Variants in NEDD9 observed in about 807,000 individuals in gnomAD.
NEDD9 encodes neural precursor cell expressed, developmentally down-regulated 9, also known as enhancer of filamentation 1.
Under a neutral mutation model 76.6 loss-of-function variants are expected in NEDD9, and 26 were observed. That is an observed-to-expected ratio of 0.34 (90% confidence interval 0.25 to 0.47). The LOEUF is 0.47. Among genes scored for constraint, NEDD9 ranks in the 20% least tolerant of loss-of-function variants. NEDD9 has a pLI of 1.00. For synonymous variants in NEDD9, 392 were observed against 414.2 expected (o/e 0.95, Z 0.65); for missense variants, 937 against 1,058.5 (o/e 0.89, Z 1.59).
intron 3 of NEDD9, among the ~76,000 whole-genome samples, chr6:11,296,358 G>C (rs543053491): frequency 7.2e-5 from 11 of 152,272 alleles, no homozygotes; most frequent in African/African-American, 2.6e-4. Flanking sequence ...ATCTGAACAG[G>C]TTAAATTCTC....
chr6:11,234,181 A>G (rs1561801125), upstream of NEDD9, among the ~76,000 whole-genome samples: 1 of 152,060 alleles, frequency 6.6e-6, no homozygotes, highest in Non-Finnish European at 1.5e-5. Flanking sequence ...AGCCTGAGTG[A>G]TTGTGCAAGG....
chr6:11,298,185 G>A (rs1159744200), intron 3 of NEDD9, among the ~76,000 whole-genome samples: 2 of 152,110 alleles, frequency 1.3e-5, no homozygotes, highest in Non-Finnish European at 2.9e-5. Flanking sequence ...TGGGATTACA[G>A]GCATGAGCCA....
intron 1 of NEDD9, among the ~76,000 whole-genome samples, chr6:11,227,643 C>A (rs142974710): frequency 9.8e-5 from 15 of 152,328 alleles, no homozygotes; most frequent in African/African-American, 2.6e-4. Flanking sequence ...TTCGATCAAT[C>A]TGCCTCTACA....
intron 3 of NEDD9, among the ~76,000 whole-genome samples, chr6:11,288,822 C>G (rs1035238446): frequency 6.6e-6 from 1 of 152,222 alleles, no homozygotes; most frequent in African/African-American, 2.4e-5. Flanking sequence ...CATTACTATA[C>G]CCCAGATCAG....
At chr6:11,373,832 A>AGGTGGG (rs1762923727) in intron 1 of NEDD9, among the ~76,000 whole-genome samples, 3 of 152,152 alleles carry the variant, frequency 2.0e-5, no homozygotes, top group Non-Finnish European at 4.4e-5. Flanking sequence ...AAAACAAATG[A>AGGTGGG]CCTTCCATAA....
intron 2 of NEDD9, among the ~76,000 whole-genome samples, chr6:11,310,955 C>T (rs1180590522): frequency 1.3e-5 from 2 of 152,122 alleles, no homozygotes; most frequent in Admixed American, 6.5e-5. Context: ...AAAATGTGTC[C>T]TCTCATGCCC....
At chr6:11,277,772 C>T (rs553342957) in intron 3 of NEDD9, among the ~76,000 whole-genome samples, 29 of 152,280 alleles carry the variant, frequency 1.9e-4, no homozygotes, top group African/African-American at 4.3e-4. Context: ...GATTCTACAG[C>T]GGATGTTGTG....
chr6:11,287,501 T>C (rs970962657), intron 3 of NEDD9, among the ~76,000 whole-genome samples: 4 of 150,220 alleles, frequency 2.7e-5, no homozygotes, highest in Non-Finnish European at 5.9e-5. Flanking sequence ...CAAGCTGGTA[T>C]GAAGGTACAG....
Position 11,185,190 on chromosome 6 carries a change from C to T in NEDD9, c.2477G>A (p.Arg826His), listed in dbSNP as rs758066091. The T allele has an allele frequency of 1.2e-5, 19 of 1,613,444 alleles. No individual in the cohort carries two copies. The highest frequency in any genetic ancestry group is 1.1e-5 in the South Asian group (1 of 91,072). The change falls in exon 7 of 7, where the codon CGC becomes CAC. Residue 826 changes from arginine to histidine, a missense_variant. By Grantham distance (29) the Arg-to-His change is conservative. Transcript: ENST00000379446. Reference sequence around the variant, plus strand: ...GAACGTTGCCATCTCCAGCAAAGAGCGCTTGAACAGCTGGGCATTTCTAGA... The same window carrying T: ...GAACGTTGCCATCTCCAGCAAAGAGTGCTTGAACAGCTGGGCATTTCTAGA... Reference protein sequence around the residue: ...DLSRNAQLFKRSLLEMATF With the variant: ...DLSRNAQLFKHSLLEMATF
At chr6:11,290,576 C>A (rs148495147) in intron 3 of NEDD9, among the ~76,000 whole-genome samples, 1 of 152,162 alleles carries the variant, frequency 6.6e-6, no homozygotes, top group Non-Finnish European at 1.5e-5. Context: ...GCGGGTTTTG[C>A]AGCAGAGTGG....
chr6:11,263,908 G>T (rs1760157884), intron 3 of NEDD9, among the ~76,000 whole-genome samples: 1 of 152,174 alleles, frequency 6.6e-6, no homozygotes, highest in Admixed American at 6.5e-5. Context: ...AATAATCCAT[G>T]TAGATATCAG....
upstream of NEDD9, among the ~76,000 whole-genome samples, chr6:11,235,940 C>T (rs2113279574): frequency 6.6e-6 from 1 of 152,254 alleles, no homozygotes; most frequent in East Asian, 1.9e-4. This position sits in a 1 kb window ranked among gnomAD's most constrained non-coding sequence, Gnocchi z 4.1. Context: ...CTGTTTCTCT[C>T]CGGTTTGTTA....
At chr6:11,339,346 A>G (rs1762227723) in intron 1 of NEDD9, among the ~76,000 whole-genome samples, 2 of 152,154 alleles carry the variant, frequency 1.3e-5, no homozygotes, top group South Asian at 4.1e-4. Flanking sequence ...GACTTTCTCA[A>G]TCAAAACAAA....
chr6:11,185,600 G>C lies in NEDD9; in HGVS notation c.2067C>G (p.Pro689=). The C allele has an allele frequency of 6.2e-7, 1 of 1,614,224 alleles. No homozygotes were observed. Among genetic ancestry groups the C allele is most frequent in the African/African-American group, 1.3e-5 (1 of 75,052 alleles). ...PVENDISKWK[P]SQSLPTTNSG... ...TGTTTGTGGTGGGTAGGCTCTGAGA[G>C]GGCTTCCACTTCGAGATGTCATTCT... The change falls in exon 7 of 7, where the codon CCC becomes CCG. Residue 689 remains proline, a synonymous_variant. Transcript: ENST00000379446.
chr6:11,298,809 T>C (rs944824416), intron 3 of NEDD9, among the ~76,000 whole-genome samples: 1 of 152,212 alleles, frequency 6.6e-6, no homozygotes, highest in African/African-American at 2.4e-5. Flanking sequence ...AATCTAGTAC[T>C]AGCGAGGATT....
chr6:11,238,327 GTC>G (rs1759649252), intron 3 of NEDD9, among the ~76,000 whole-genome samples: 1 of 152,210 alleles, frequency 6.6e-6, no homozygotes, highest in African/African-American at 2.4e-5. Flanking sequence ...TGGTTTCTGA[GTC>G]TGTGTGGCCC....
In NEDD9 at chr6:11,185,316, C is replaced by G. The variant is rs769493116; in HGVS notation, c.2351G>C (p.Cys784Ser). ...CATGACTATGGTCTTGAGCTGCTCG[C>G]AGAGCTGGTTGCTGGAGTTCATGAC... Reference protein sequence around the residue: ...NKVMNSSNQLCEQLKTIVMAT... With the variant: ...NKVMNSSNQLSEQLKTIVMAT... The change falls in exon 7 of 7, where the codon TGC becomes TCC. Residue 784 changes from cysteine (C) to serine (S), a missense_variant. Cys to Ser is a moderately radical substitution (Grantham distance 112, BLOSUM62 -1). Coordinates refer to ENST00000379446, the MANE Select transcript of NEDD9 (RefSeq NM_006403.4). 28 of 1,614,172 alleles carry G rather than the reference C, an allele frequency of 1.7e-5. No individual in the cohort carries two copies. The highest frequency in any genetic ancestry group is 2.4e-5 in the Non-Finnish European group (28 of 1,180,032).
intron 2 of NEDD9, among the ~76,000 whole-genome samples, chr6:11,319,961 G>C (rs909309032): frequency 2.3e-5 from 3 of 129,780 alleles, no homozygotes; most frequent in Non-Finnish European, 5.2e-5. Context: ...GGATTGAATA[G>C]AAGAGAGGAA....
chr6:11,359,730 A>G (rs9357127), intron 1 of NEDD9, among the ~76,000 whole-genome samples: 107,662 of 152,146 alleles, frequency 0.71, 38,851 homozygotes, highest in African/African-American at 0.83. Flanking sequence ...GTTAACCCTG[A>G]ACTCCAAGGA....
Sources: allele counts gnomAD v4.1 joint callset (sites outside exome capture counted in the v4.1 genomes callset), GRCh38; gene constraint gnomAD v4.1.1; non-coding constraint Gnocchi (gnomAD v3.1); transcripts MANE v1.5; gene names NCBI Gene and HGNC (gene_info 2026-07-23, HGNC 2026-07-21).